Variants in MYO5B observed in about 807,000 individuals in gnomAD.
MYO5B encodes myosin VB, also known as unconventional myosin-Vb.
MYO5B carries 143 observed loss-of-function variants against 229.3 expected under a neutral mutation model. That is an observed-to-expected ratio of 0.62 (90% CI 0.54 to 0.72). The LOEUF is 0.72. MYO5B is among the 30% of genes least tolerant of loss of function. MYO5B has a pLI of 0.00. For missense variants in MYO5B, 2,321 were observed against 2,331.0 expected, an observed-to-expected ratio of 1.00 and a Z score of 0.09; for synonymous variants, 918 against 885.2, an observed-to-expected ratio of 1.04 and a Z score of -0.66.
chr18:49,982,133 A>G (rs1364060473), intron 8 of MYO5B, among the ~76,000 whole-genome samples: 1 of 152,228 alleles, frequency 6.6e-6, no homozygotes. Flanking sequence ...GCTGGAGTCC[A>G]GTGGCACAGT....
In MYO5B at chr18:49,901,088, C is replaced by T. The variant is rs148662167; in HGVS notation, c.2811+1506G>A. Among the ~76,000 whole-genome samples the T allele has an allele frequency of 3.9e-3, 589 of 152,320 alleles. 4 individuals carry two copies. The highest frequency in any genetic ancestry group is 0.013 in the African/African-American group (549 of 41,578). On this transcript the variant is annotated intron_variant, in intron 21 of 39. Coordinates refer to ENST00000285039, the MANE Select transcript of MYO5B (RefSeq NM_001080467.3). ...ATAAGAGTGAACACAAAACACATAT[C>T]GCAGAGCTTGGCACATGGCAGGTGC...
chr18:49,949,110 G>A (rs1395457330), intron 14 of MYO5B, among the ~76,000 whole-genome samples: 3 of 152,142 alleles, frequency 2.0e-5, no homozygotes. Flanking sequence ...AGATGGCACT[G>A]GGATGCCTGT....
intron 39 of MYO5B, among the ~76,000 whole-genome samples, chr18:49,834,281 T>C (rs2023959677): frequency 2.0e-5 from 3 of 152,186 alleles, no homozygotes; most frequent in Admixed American, 2.0e-4. Context: ...TTCCTGACTC[T>C]CCCTCTGATG....
chr18:50,094,678 C>CAGAGATGGCCGGGCGCGGTGGCTCA, intron 1 of MYO5B, among the ~76,000 whole-genome samples: 1 of 152,290 alleles, frequency 6.6e-6, no homozygotes, highest in African/African-American at 2.4e-5. Flanking sequence ...TCAAAGACAA[C>CAGAGATGGCCGGGCGCGGTGGCTCA]AGAGATTTGG....
rs80111036 is a variant in MYO5B, at chr18:50,160,474, C to G, written c.27+34293G>C. 3.0e-3 allele frequency among the ~76,000 whole-genome samples: 456 copies of G among 152,322 alleles called. 2 individuals are homozygous for G. The highest frequency in any genetic ancestry group is 0.01 in the African/African-American group (435 of 41,568). On this transcript the variant is annotated intron_variant, in intron 1 of 39. Transcript: ENST00000285039. The stretch of plus-strand genomic sequence containing the variant: ...AATTTCAGAGACTATCAGCAACATT[C>G]TCCACAAGAACAGACATTTTAACTG...
chr18:50,106,925 C>T (rs867802415), intron 1 of MYO5B, among the ~76,000 whole-genome samples: 1 of 152,110 alleles, frequency 6.6e-6, no homozygotes, highest in African/African-American at 2.4e-5. Flanking sequence ...AATAAATGCT[C>T]ATTGACCAAG....
chr18:49,834,608 A>C (rs1403651477), intron 39 of MYO5B, among the ~76,000 whole-genome samples: 1 of 151,736 alleles, frequency 6.6e-6, no homozygotes, highest in South Asian at 2.1e-4. Context: ...TCCCTAATAC[A>C]TTTTCTTTCA....
At chr18:49,993,820 T>C (rs2025957882) in intron 5 of MYO5B, among the ~76,000 whole-genome samples, 1 of 152,184 alleles carries the variant, frequency 6.6e-6, no homozygotes, top group African/African-American at 2.4e-5. Flanking sequence ...TCCTCTAGAA[T>C]GTAAACCTAT....
chr18:49,840,753 T>A (rs2024046279), intron 35 of MYO5B, among the ~76,000 whole-genome samples: 1 of 152,182 alleles, frequency 6.6e-6, no homozygotes. Context: ...GGACCAAAGC[T>A]AGGAATGTGA....
At chr18:49,932,523 T>A (rs1164493174) in intron 16 of MYO5B, among the ~76,000 whole-genome samples, 1 of 152,186 alleles carries the variant, frequency 6.6e-6, no homozygotes, top group Non-Finnish European at 1.5e-5. Context: ...GAACTCAGTG[T>A]GGCCTCCGCT....
rs2032609041 is a variant in MYO5B, at chr18:50,152,174, C to T, written c.27+42593G>A. On this transcript the variant is annotated intron_variant, in intron 1 of 39. Coordinates refer to ENST00000285039, the MANE Select transcript of MYO5B (RefSeq NM_001080467.3). The stretch of plus-strand genomic sequence containing the variant: ...TTCGTGAAAAGCACAGCCTACTGAT[C>T]CCGAGTCCCAATGGTGCCTCCCCCA... Among the ~76,000 whole-genome samples the T allele has an allele frequency of 3.3e-5, 5 of 152,332 alleles. No individual in the cohort carries two copies. In the East Asian group the frequency reaches 7.7e-4, roughly 24 times the overall value.
chr18:50,049,099 A>T (rs986911952), intron 2 of MYO5B, among the ~76,000 whole-genome samples: 2 of 151,840 alleles, frequency 1.3e-5, no homozygotes, highest in Non-Finnish European at 2.9e-5. Flanking sequence ...GTAGCATCAA[A>T]TATCCTGCCA....
At chr18:49,875,413 C>G (rs577720880) in intron 26 of MYO5B, among the ~76,000 whole-genome samples, 1 of 152,268 alleles carries the variant, frequency 6.6e-6, no homozygotes, top group South Asian at 2.1e-4. Flanking sequence ...GCAGGGAGCT[C>G]CCCTCTTTGC....
chr18:49,898,360 A>T (rs749592905), intron 21 of MYO5B, among the ~76,000 whole-genome samples: 2 of 152,254 alleles, frequency 1.3e-5, no homozygotes, highest in Non-Finnish European at 2.9e-5. Flanking sequence ...CTCATATAAA[A>T]TATATTTAAG....
chr18:50,119,731 C>T (rs1256301015), intron 1 of MYO5B, among the ~76,000 whole-genome samples: 1 of 152,138 alleles, frequency 6.6e-6, no homozygotes, highest in African/African-American at 2.4e-5. Flanking sequence ...TTGTTCATCG[C>T]GCCACTTATC....
intron 17 of MYO5B, among the ~76,000 whole-genome samples, chr18:49,925,324 C>T (rs1309411382): frequency 6.6e-6 from 1 of 152,244 alleles, no homozygotes; most frequent in South Asian, 2.1e-4. Context: ...AAGCTCCCGC[C>T]TTCCGGTTGT....
intron 2 of MYO5B, among the ~76,000 whole-genome samples, chr18:50,048,019 C>A (rs139553077): frequency 0.039 from 5,907 of 151,208 alleles, 153 homozygotes; most frequent in Non-Finnish European, 0.058. Flanking sequence ...AGCACACCAA[C>A]ATGGCACATG....
intron 17 of MYO5B, among the ~76,000 whole-genome samples, chr18:49,920,685 T>C (rs2025064166): frequency 1.3e-5 from 2 of 152,198 alleles, no homozygotes; most frequent in Non-Finnish European, 1.5e-5. Context: ...CGAAGTGGCT[T>C]GTAGTTTACC....
At chr18:50,055,225 G>GGGCCCCCCCC in intron 2 of MYO5B, 43 bp downstream of exon 2, 20 of 700,368 alleles carry the variant, frequency 2.9e-5, no homozygotes, top group Non-Finnish European at 3.7e-5. Flanking sequence ...TGAGCTCCCT[G>GGGCCCCCCCC]CCCCACCTCA....
Sources: gnomAD v4.1 joint callset for allele counts (sites outside exome capture counted in the v4.1 genomes callset) on GRCh38, gnomAD v4.1.1 for gene constraint, MANE v1.5 for transcripts, NCBI Gene and HGNC (gene_info 2026-07-23, HGNC 2026-07-21) for gene names.